Variants in KCNK2 observed in about 807,000 individuals in gnomAD.
KCNK2 encodes potassium channel subfamily K member 2.
A neutral mutation model predicts 40.5 loss-of-function variants in KCNK2; 21 were observed. The ratio of observed to expected loss-of-function variants is 0.52; its 90% confidence interval spans 0.37 to 0.75. The LOEUF (loss-of-function observed/expected upper bound fraction) is 0.75, where lower values mean the gene tolerates loss of function less well. KCNK2 is among the 30% of genes least tolerant of loss of function. KCNK2 has a pLI of 0.00. For synonymous variants in KCNK2, 191 were observed against 202.2 expected (o/e 0.94, Z 0.47); for missense variants, 399 against 531.6 (o/e 0.75, Z 2.45).
At chr1:215,190,004 C>G (rs1664601073) in intron 5 of KCNK2, among the ~76,000 whole-genome samples, 2 of 152,128 alleles carry the variant, frequency 1.3e-5, no homozygotes, top group South Asian at 4.1e-4. Context: ...TGTTTATATT[C>G]TGTAACAGAT....
At chr1:215,088,587 A>C (rs999611621) in intron 2 of KCNK2, among the ~76,000 whole-genome samples, 18 of 152,088 alleles carry the variant, frequency 1.2e-4, no homozygotes, top group African/African-American at 4.3e-4. Context: ...AAAAAAAAAA[A>C]AAACCATGAC....
rs541075599 is a variant in KCNK2, at chr1:215,106,816, T to A, written c.358-17817T>A. On this transcript the variant is annotated intron_variant, in intron 2 of 6. Transcript: ENST00000444842. ...TCATCTGCATATGGCTAGCTAGCTA[T>A]CTTAGCACCATTTATTTAATAGGGA... is the stretch of plus-strand genomic sequence containing the variant. Among the ~76,000 whole-genome samples the A allele has an allele frequency of 2.6e-5, 4 of 152,270 alleles. No homozygotes were observed. The South Asian group carries it at 8.3e-4, about 32-fold the overall frequency.
chr1:215,027,471 C>T (rs551614233), intron 1 of KCNK2, among the ~76,000 whole-genome samples: 1 of 152,198 alleles, frequency 6.6e-6, no homozygotes, highest in South Asian at 2.1e-4. Context: ...AATGTCCCTC[C>T]AACATCTATT....
chr1:215,042,872 A>G (rs926543643), intron 1 of KCNK2, among the ~76,000 whole-genome samples: 1 of 152,224 alleles, frequency 6.6e-6, no homozygotes, highest in South Asian at 2.1e-4. Flanking sequence ...TAAATTCACA[A>G]TGGCTCCTAC....
chr1:215,021,889 G>A (rs1656809890), intron 1 of KCNK2, among the ~76,000 whole-genome samples: 1 of 152,010 alleles, frequency 6.6e-6, no homozygotes, highest in African/African-American at 2.4e-5. Context: ...GAATTCCAGG[G>A]TCTTAGACCT....
At chr1:215,045,501 G>C (rs1439407729) in intron 1 of KCNK2, among the ~76,000 whole-genome samples, 1 of 152,162 alleles carries the variant, frequency 6.6e-6, no homozygotes, top group African/African-American at 2.4e-5. Flanking sequence ...TTCATCGAAA[G>C]ATGACCTTGT....
intron 4 of KCNK2, among the ~76,000 whole-genome samples, chr1:215,169,638 T>C (rs1371500526): frequency 1.3e-5 from 1 of 77,542 alleles, no homozygotes; most frequent in Non-Finnish European, 2.9e-5. Flanking sequence ...TTTTTCTTTT[T>C]CTTTCTTTTT....
intron 1 of KCNK2, among the ~76,000 whole-genome samples, chr1:215,045,709 T>C (rs1657744673): frequency 6.6e-6 from 1 of 152,202 alleles, no homozygotes; most frequent in Non-Finnish European, 1.5e-5. Flanking sequence ...AATAAAATAA[T>C]GCCCCTTAAT....
intron 1 of KCNK2, 196 bp downstream of exon 1, chr1:215,083,627 T>C: frequency 1.7e-6 from 1 of 596,668 alleles, no homozygotes; most frequent in Non-Finnish European, 3.0e-6. Context: ...TTCTCCCCCC[T>C]CTCCCGCCGG....
At chr1:215,094,567 A>T (rs1659894363) in intron 2 of KCNK2, among the ~76,000 whole-genome samples, 1 of 152,158 alleles carries the variant, frequency 6.6e-6, no homozygotes, top group East Asian at 1.9e-4. Context: ...GGAATAAATC[A>T]TTCTTGCTTT....
upstream of KCNK2, among the ~76,000 whole-genome samples, chr1:215,081,061 A>C (rs936669278): frequency 1.3e-5 from 2 of 152,248 alleles, no homozygotes; most frequent in South Asian, 4.1e-4. Flanking sequence ...TTGAGTTTCC[A>C]GCCTGCCAGA....
chr1:215,056,842 T>A (rs1658187768), intron 1 of KCNK2, among the ~76,000 whole-genome samples: 1 of 152,096 alleles, frequency 6.6e-6, no homozygotes, highest in Non-Finnish European at 1.5e-5. Flanking sequence ...CAAATCCTGC[T>A]TACTATCCCA....
At chr1:215,067,141 A>C (rs1449548884) in intron 1 of KCNK2, among the ~76,000 whole-genome samples, 1 of 152,180 alleles carries the variant, frequency 6.6e-6, no homozygotes, top group Non-Finnish European at 1.5e-5. Flanking sequence ...TATCTAAAGC[A>C]AGTCCGCCAA....
chr1:215,079,486 A>G (rs1051556278), upstream of KCNK2, among the ~76,000 whole-genome samples: 2 of 152,224 alleles, frequency 1.3e-5, no homozygotes, highest in Admixed American at 6.5e-5. Context: ...ATTTAGTACC[A>G]GATGCTAGTT....
intron 1 of KCNK2, among the ~76,000 whole-genome samples, chr1:215,056,844 A>G (rs2102504204): frequency 6.6e-6 from 1 of 152,306 alleles, no homozygotes; most frequent in East Asian, 1.9e-4. Flanking sequence ...AATCCTGCTT[A>G]CTATCCCAGA....
chr1:215,038,844 C>T (rs557086798), intron 1 of KCNK2, among the ~76,000 whole-genome samples: 2 of 151,998 alleles, frequency 1.3e-5, no homozygotes, highest in Non-Finnish European at 2.9e-5. Flanking sequence ...TTTATTTCTT[C>T]TATTTCTCCT....
chr1:215,080,627 T>G (rs1051800411), upstream of KCNK2, among the ~76,000 whole-genome samples: 1 of 152,196 alleles, frequency 6.6e-6, no homozygotes, highest in Non-Finnish European at 1.5e-5. Flanking sequence ...AACAGAGAGA[T>G]ATGGTTTATG....
chr1:215,178,288 G>A (rs1351803811), intron 5 of KCNK2, among the ~76,000 whole-genome samples: 1 of 152,102 alleles, frequency 6.6e-6, no homozygotes. Flanking sequence ...TAAGTATAGA[G>A]TCATATTGTT....
intron 2 of KCNK2, among the ~76,000 whole-genome samples, chr1:215,094,029 A>T (rs904532483): frequency 6.9e-6 from 1 of 144,908 alleles, no homozygotes; most frequent in African/African-American, 2.6e-5. Flanking sequence ...AATGGCCAAA[A>T]CTGCAATTAC....
Sources: gnomAD v4.1 joint callset for allele counts (sites outside exome capture counted in the v4.1 genomes callset) on GRCh38, gnomAD v4.1.1 for gene constraint, MANE v1.5 for transcripts, NCBI Gene and HGNC (gene_info 2026-07-23, HGNC 2026-07-21) for gene names.